Variants in HNRNPA3 observed in about 807,000 individuals in gnomAD.
HNRNPA3 encodes epididymis secretory sperm binding protein.
In HNRNPA3, 3 loss-of-function variants were observed where a neutral mutation model predicts 45.8. That is an observed-to-expected ratio of 0.07 (90% confidence interval 0.03 to 0.17). The LOEUF (loss-of-function observed/expected upper bound fraction) is 0.17. HNRNPA3 is among the 10% of genes least tolerant of loss of function. The pLI, the probability that HNRNPA3 is intolerant of heterozygous loss-of-function variation, is 1.00. For synonymous variants in HNRNPA3, 170 were observed against 155.6 expected, an observed-to-expected ratio of 1.09 and a Z score of -0.69; for missense variants, 183 against 480.3, an observed-to-expected ratio of 0.38 and a Z score of 5.79.
intron 8 of HNRNPA3, 47 bp from the exon 9 acceptor site, chr2:177,218,990 A>G: frequency 6.2e-7 from 1 of 1,602,340 alleles, no homozygotes; most frequent in Non-Finnish European, 8.5e-7. Context: ...AAAGGGGAAA[A>G]TGATGATTGT....
intron 7 of HNRNPA3, 94 bp downstream of exon 7, chr2:177,217,034 C>G: frequency 1.6e-6 from 2 of 1,272,142 alleles, no homozygotes; most frequent in East Asian, 2.6e-5. Flanking sequence ...GTTAAAACTT[C>G]AGTGGCTAAA....
chr2:177,215,018 T>C (rs1688869777), intron 1 of HNRNPA3, among the ~76,000 whole-genome samples: 1 of 152,226 alleles, frequency 6.6e-6, no homozygotes, highest in Non-Finnish European at 1.5e-5. Flanking sequence ...GAAGTGATGC[T>C]GGCATTTGAA....
At chr2:177,219,982 A>T (rs1689119485) in exon 11 of HNRNPA3, 1 of 152,620 alleles carries the variant, frequency 6.6e-6, no homozygotes, top group Non-Finnish European at 1.5e-5. Flanking sequence ...CCAAACCATG[A>T]TATGAATGGG....
At chr2:177,215,805 C>G (rs1480530258) in exon 3 of HNRNPA3, 6 of 1,611,292 alleles carry the variant, frequency 3.7e-6, no homozygotes, top group Non-Finnish European at 4.2e-6. Context: ...GTGACTTATT[C>G]TTGTGTTGAA....
downstream of HNRNPA3, chr2:177,223,671 A>C (rs552359144): frequency 6.6e-6 from 1 of 152,226 alleles, no homozygotes; most frequent in Non-Finnish European, 1.5e-5. Context: ...TAAGCATGCC[A>C]GTGTGCAAGG....
In HNRNPA3 at chr2:177,219,394, GTAT is replaced by G. The variant is rs1481987873; in HGVS notation, c.*16-9_*16-7del. 2 of 1,092,784 alleles carry G rather than the reference GTAT, an allele frequency of 1.8e-6. No individual in the cohort carries two copies. The highest frequency in any genetic ancestry group is 2.3e-5 in the Admixed American group (1 of 43,718). The allele number at this position is 1,092,784 out of a possible 1,614,324, so 67.7% of individuals were successfully genotyped here. On this transcript the variant is annotated splice_polypyrimidine_tract_variant and intron_variant, in intron 10 of 10. Transcript: ENST00000392524. ...CTGAGTGTAATAATTTTTTTATCCTGTATTATTCAACAGGCTACAGTTCTTAGC... is the reference window on the plus strand; with the variant it reads ...CTGAGTGTAATAATTTTTTTATCCTGTATTCAACAGGCTACAGTTCTTAGC...
chr2:177,214,362 C>CT (rs373630871), intron 1 of HNRNPA3, among the ~76,000 whole-genome samples: 47 of 149,108 alleles, frequency 3.2e-4, no homozygotes, highest in South Asian at 6.4e-4. Context: ...ATTTGATCGG[C>CT]TTTTTTTTTT....
intron 1 of HNRNPA3, among the ~76,000 whole-genome samples, chr2:177,214,505 A>G (rs1688841100): frequency 6.6e-6 from 1 of 152,180 alleles, no homozygotes; most frequent in Non-Finnish European, 1.5e-5. Flanking sequence ...TTTTGAGTTT[A>G]AATGTATGGG....
At chr2:177,216,628 G>T in intron 5 of HNRNPA3, 36 bp downstream of exon 5, 1 of 1,611,830 alleles carries the variant, frequency 6.2e-7, no homozygotes, top group Non-Finnish European at 8.5e-7. Flanking sequence ...CAGTGGATAT[G>T]AGTGGTGTTT....
intron 1 of HNRNPA3, among the ~76,000 whole-genome samples, chr2:177,215,132 C>T (rs889589948): frequency 2.0e-5 from 3 of 152,032 alleles, no homozygotes; most frequent in African/African-American, 4.8e-5. Context: ...ACGGAGTTTT[C>T]GCTCCTATGG....
chr2:177,218,337 C>T (rs1191692583), intron 8 of HNRNPA3, among the ~76,000 whole-genome samples: 1 of 152,144 alleles, frequency 6.6e-6, no homozygotes, highest in Non-Finnish European at 1.5e-5. Flanking sequence ...ACTGGGATTA[C>T]AGGCATGAGC....
intron 6 of HNRNPA3, 22 bp from the exon 7 acceptor site, chr2:177,216,838 T>C: frequency 6.2e-7 from 1 of 1,612,644 alleles, no homozygotes; most frequent in South Asian, 1.1e-5. Flanking sequence ...ATTATTTTAA[T>C]TCATTTCTTG....
At chr2:177,219,683 C>T (rs1689104216) in exon 11 of HNRNPA3, 2 of 161,118 alleles carry the variant, frequency 1.2e-5, no homozygotes, top group African/African-American at 4.8e-5. Flanking sequence ...GTAGCTTTGT[C>T]TTTTTCTTTT....
intron 1 of HNRNPA3, among the ~76,000 whole-genome samples, 162 bp downstream of exon 1, chr2:177,213,033 G>T (rs1320126038): frequency 6.6e-6 from 1 of 152,126 alleles, no homozygotes; most frequent in Non-Finnish European, 1.5e-5. Context: ...ACCTCCTTGG[G>T]GCCCCTCGCC....
At chr2:177,214,300 T>A (rs146996476) in intron 1 of HNRNPA3, among the ~76,000 whole-genome samples, 19 of 152,348 alleles carry the variant, frequency 1.2e-4, no homozygotes, top group African/African-American at 3.8e-4. Context: ...TAAAATTGAG[T>A]TGTAAATTGC....
chr2:177,222,760 G>A (rs1328281272), downstream of HNRNPA3: 4 of 152,622 alleles, frequency 2.6e-5, no homozygotes, highest in African/African-American at 7.2e-5. Flanking sequence ...CTGTATTCCA[G>A]CCTGGGTGAC....
chr2:177,214,918 C>T (rs1344669354), intron 1 of HNRNPA3, among the ~76,000 whole-genome samples: 1 of 152,156 alleles, frequency 6.6e-6, no homozygotes, highest in Non-Finnish European at 1.5e-5. Flanking sequence ...TTACTAGCAA[C>T]TTCTAAAGTA....
At chr2:177,220,525 A>G (rs1383096308), downstream of HNRNPA3, 1 of 153,282 alleles carries the variant, frequency 6.5e-6, no homozygotes, top group Non-Finnish European at 1.5e-5. Flanking sequence ...ATGTGTTATT[A>G]AACCCCTAAC....
chr2:177,213,248 G>C (rs1301814408), intron 1 of HNRNPA3, among the ~76,000 whole-genome samples: 3 of 152,188 alleles, frequency 2.0e-5, no homozygotes, highest in Admixed American at 2.0e-4. Flanking sequence ...GAGCGAGCAA[G>C]CGGGCGGCGG....
Sources: gnomAD v4.1 joint callset for allele counts (sites outside exome capture counted in the v4.1 genomes callset) on GRCh38, gnomAD v4.1.1 for gene constraint, MANE v1.5 for transcripts, NCBI Gene and HGNC (gene_info 2026-07-23, HGNC 2026-07-21) for gene names.